The following RORA variants were observed in gnomAD, a reference collection of about 807,000 sequenced individuals.
RORA encodes the protein nuclear receptor ROR-alpha.
In RORA, 7 loss-of-function variants were observed where a neutral mutation model predicts 69.5. The observed-to-expected ratio is 0.10, with a 90% CI of 0.06 to 0.19. RORA has a LOEUF of 0.19. Among genes scored for constraint, RORA ranks in the 10% least tolerant of loss-of-function variants. RORA has a pLI of 1.00. For missense variants in RORA, 457 were observed against 663.0 expected (o/e 0.69, Z 3.41); for synonymous variants, 261 against 240.8 (o/e 1.08, Z -0.78).
intron 3 of RORA, among the ~76,000 whole-genome samples, chr15:60,519,515 A>T (rs140318805): frequency 2.2e-4 from 33 of 152,318 alleles, no homozygotes; most frequent in African/African-American, 7.5e-4. Flanking sequence ...GTGTCAAAAG[A>T]ATTCCTCCTT....
chr15:61,145,123 C>G (rs2079335293), intron 1 of RORA, among the ~76,000 whole-genome samples: 1 of 152,124 alleles, frequency 6.6e-6, no homozygotes, highest in Non-Finnish European at 1.5e-5. Flanking sequence ...CATAAACTTA[C>G]TTCTCTATAC....
chr15:61,007,759 ATT>A (rs1491194870), intron 1 of RORA, among the ~76,000 whole-genome samples: 1 of 148,288 alleles, frequency 6.7e-6, no homozygotes, highest in African/African-American at 2.4e-5. Flanking sequence ...AATGTTATAT[ATT>A]ATATATAACA....
chr15:61,221,698 C>T (rs1036184228), intron 1 of RORA, among the ~76,000 whole-genome samples: 1 of 152,164 alleles, frequency 6.6e-6, no homozygotes, highest in African/African-American at 2.4e-5. Context: ...TTCAGCCAAA[C>T]CCTCCCCCGA....
At chr15:61,030,818 T>A (rs960625277) in intron 1 of RORA, among the ~76,000 whole-genome samples, 1 of 152,184 alleles carries the variant, frequency 6.6e-6, no homozygotes, top group East Asian at 1.9e-4. Flanking sequence ...CTATACTTTA[T>A]AGTATCTCTT....
chr15:60,574,000 C>T (rs2140461243), intron 2 of RORA, among the ~76,000 whole-genome samples: 1 of 152,202 alleles, frequency 6.6e-6, no homozygotes, highest in East Asian at 1.9e-4. Context: ...TTGTCTACTT[C>T]CATTCTACTG....
intron 2 of RORA, among the ~76,000 whole-genome samples, chr15:60,584,216 A>G (rs1315860129): frequency 6.6e-6 from 1 of 152,222 alleles, no homozygotes; most frequent in Admixed American, 6.5e-5. Context: ...GACAGAATCA[A>G]ACTCTGTGTG....
At chr15:60,624,276 C>T (rs1050868158) in intron 2 of RORA, among the ~76,000 whole-genome samples, 2 of 150,248 alleles carry the variant, frequency 1.3e-5, no homozygotes, top group Admixed American at 6.6e-5. Flanking sequence ...CTTTCTTTTC[C>T]TGGACCACTG....
chr15:61,199,334 T>C (rs1200818756), intron 1 of RORA, among the ~76,000 whole-genome samples: 2 of 152,120 alleles, frequency 1.3e-5, no homozygotes, highest in African/African-American at 4.8e-5. Flanking sequence ...ATTCAATAAA[T>C]GAATACACGA....
intron 1 of RORA, among the ~76,000 whole-genome samples, chr15:61,066,879 CAAAAAAAAAA>C (rs33936803): frequency 7.0e-5 from 5 of 71,294 alleles, no homozygotes; most frequent in Admixed American, 1.9e-4. Context: ...TTCATAAGAC[CAAAAAAAAAA>C]AAAAAAAAAA....
intron 1 of RORA, among the ~76,000 whole-genome samples, chr15:60,936,278 C>T (rs142049105): frequency 1.3e-5 from 2 of 152,232 alleles, no homozygotes; most frequent in Non-Finnish European, 2.9e-5. Context: ...TGTCTATCTA[C>T]TCACAGCAGC....
chr15:60,607,025 A>G (rs2068961464), intron 2 of RORA, among the ~76,000 whole-genome samples: 1 of 152,244 alleles, frequency 6.6e-6, no homozygotes, highest in Non-Finnish European at 1.5e-5. Flanking sequence ...TTGATGTCTG[A>G]ACTTCCAGTA....
At chr15:60,909,481 A>G (rs1891638986) in intron 1 of RORA, among the ~76,000 whole-genome samples, 1 of 152,240 alleles carries the variant, frequency 6.6e-6, no homozygotes, top group African/African-American at 2.4e-5. Flanking sequence ...TCTCAAACAT[A>G]GCCTTTATCG....
intron 1 of RORA, among the ~76,000 whole-genome samples, chr15:60,945,102 C>T (rs1288594247): frequency 6.6e-6 from 1 of 152,106 alleles, no homozygotes; most frequent in Non-Finnish European, 1.5e-5. Context: ...GTTTAATATA[C>T]CCAGCAAATC....
At chr15:61,054,970 G>C (rs892398889) in intron 1 of RORA, among the ~76,000 whole-genome samples, 1 of 151,918 alleles carries the variant, frequency 6.6e-6, no homozygotes, top group African/African-American at 2.4e-5. Context: ...CTGAATAGCT[G>C]GGACTACAGG....
chr15:60,852,294 C>T (rs1435849377), intron 1 of RORA, among the ~76,000 whole-genome samples: 1 of 152,140 alleles, frequency 6.6e-6, no homozygotes, highest in Non-Finnish European at 1.5e-5. Flanking sequence ...ATGCTTTGAG[C>T]CTCTTCCCAC....
At position 60,728,853 on chromosome 15, in the gene RORA, G is replaced by A. The variant is rs148836063; in HGVS notation, c.167-50167C>T. 2.6e-3 allele frequency among the ~76,000 whole-genome samples: 398 copies of A among 152,216 alleles called. 3 individuals are homozygous for A. Among genetic ancestry groups the A allele is most frequent in the African/African-American group, 9.3e-3 (385 of 41,512 alleles). On this transcript the variant is annotated intron_variant, in intron 1 of 10. Coordinates refer to ENST00000335670, the MANE Select transcript of RORA (RefSeq NM_134261.3). ...TCAACTGTAAGTCAGAGTGCGAAAA[G>A]TACTATAAGAAAGGTGCAGATTTTT... is the stretch of plus-strand genomic sequence containing the variant.
At chr15:61,126,272 G>A (rs893833233) in intron 1 of RORA, among the ~76,000 whole-genome samples, 1 of 152,118 alleles carries the variant, frequency 6.6e-6, no homozygotes, top group Non-Finnish European at 1.5e-5. Context: ...TGCACAATGT[G>A]TATACAACCT....
At chr15:60,704,066 T>C (rs897365580) in intron 1 of RORA, among the ~76,000 whole-genome samples, 2 of 152,232 alleles carry the variant, frequency 1.3e-5, no homozygotes, top group African/African-American at 4.8e-5. Context: ...CTAAAACTGC[T>C]TTCAAAAAAC....
intron 1 of RORA, among the ~76,000 whole-genome samples, chr15:61,163,362 C>T (rs887919964): frequency 1.3e-5 from 2 of 152,116 alleles, no homozygotes; most frequent in Admixed American, 1.3e-4. Flanking sequence ...TGAGACGGGG[C>T]ACCTAGCAAT....
Sources: allele counts gnomAD v4.1 joint callset (sites outside exome capture counted in the v4.1 genomes callset), GRCh38; gene constraint gnomAD v4.1.1; transcripts MANE v1.5; gene names NCBI Gene and HGNC (gene_info 2026-07-23, HGNC 2026-07-21).